The following FAM222B variants were observed in gnomAD, a reference collection of about 807,000 sequenced individuals.
The protein encoded by FAM222B is protein FAM222B.
Under a neutral mutation model 38.0 loss-of-function variants are expected in FAM222B, and 12 were observed. That is an observed-to-expected ratio of 0.32 (90% CI 0.20 to 0.51). FAM222B has a LOEUF of 0.51. Among genes scored for constraint, FAM222B ranks in the 20% least tolerant of loss-of-function variants. The probability of loss-of-function intolerance (pLI) is 0.97; values close to 1 mark genes in which losing one functional copy is unlikely to be tolerated. For synonymous variants in FAM222B, 329 were observed against 317.2 expected, an observed-to-expected ratio of 1.04 and a Z score of -0.40; for missense variants, 716 against 754.2, an observed-to-expected ratio of 0.95 and a Z score of 0.59.
At chr17:28,788,449 G>A (rs1019427914) in intron 1 of FAM222B, among the ~76,000 whole-genome samples, 5 of 151,814 alleles carry the variant, frequency 3.3e-5, no homozygotes, top group African/African-American at 1.2e-4. Context: ...ATGTTGCCCA[G>A]GCTGGTCTGG....
upstream of FAM222B, among the ~76,000 whole-genome samples, chr17:28,845,618 A>G (rs932244162): frequency 2.0e-5 from 3 of 151,600 alleles, no homozygotes; most frequent in Non-Finnish European, 4.4e-5. Flanking sequence ...TAAATAGGCC[A>G]GGCACAGTGG....
intron 1 of FAM222B, among the ~76,000 whole-genome samples, chr17:28,803,708 G>A (rs528626452): frequency 3.8e-4 from 58 of 152,070 alleles, no homozygotes; most frequent in African/African-American, 7.0e-4. Context: ...AGCCAGGTGC[G>A]GTGGCTCACG....
intron 1 of FAM222B, among the ~76,000 whole-genome samples, chr17:28,822,490 T>C (rs999403881): frequency 6.6e-6 from 1 of 151,258 alleles, no homozygotes; most frequent in Non-Finnish European, 1.5e-5. Context: ...CTGGGCGCAG[T>C]GGCATAAGCC....
chr17:28,825,427 C>T (rs1188949970), intron 1 of FAM222B, among the ~76,000 whole-genome samples: 2 of 145,610 alleles, frequency 1.4e-5, no homozygotes, highest in African/African-American at 5.1e-5. Context: ...GAGTGAGATC[C>T]CGTCTCAAAA....
chr17:28,833,952 C>A (rs749114705), intron 1 of FAM222B, among the ~76,000 whole-genome samples: 3 of 152,144 alleles, frequency 2.0e-5, no homozygotes, highest in Non-Finnish European at 4.4e-5. Flanking sequence ...AATGTAATAC[C>A]CTCTTTTACT....
intron 1 of FAM222B, among the ~76,000 whole-genome samples, chr17:28,815,624 C>G (rs2151936450): frequency 6.6e-6 from 1 of 152,140 alleles, no homozygotes; most frequent in Admixed American, 6.6e-5. Context: ...CTCAGGAGTT[C>G]AAGACCAGCC....
At chr17:28,821,468 C>G (rs771476749) in intron 1 of FAM222B, among the ~76,000 whole-genome samples, 130 of 152,266 alleles carry the variant, frequency 8.5e-4, no homozygotes, top group Non-Finnish European at 1.5e-3. Context: ...CACAACCACC[C>G]AACAAGCCAA....
intron 1 of FAM222B, among the ~76,000 whole-genome samples, chr17:28,795,512 C>T (rs1179660649): frequency 6.6e-6 from 1 of 152,188 alleles, no homozygotes; most frequent in East Asian, 1.9e-4. Flanking sequence ...ACTGCAGCCT[C>T]GACTTCCCGG....
At chr17:28,852,679 T>A (rs946803427) in intron 1 of FAM222B, among the ~76,000 whole-genome samples, 2 of 152,088 alleles carry the variant, frequency 1.3e-5, no homozygotes, top group Non-Finnish European at 2.9e-5. Context: ...AATCCTCTGT[T>A]AACCCCACAG....
chr17:28,804,312 T>C (rs1458593290), intron 1 of FAM222B, among the ~76,000 whole-genome samples: 7 of 152,114 alleles, frequency 4.6e-5, no homozygotes, highest in Non-Finnish European at 1.0e-4. Flanking sequence ...ACCCTACTGG[T>C]TGTTTCTCTG....
At chr17:28,786,608 T>A (rs1457307318) in intron 1 of FAM222B, among the ~76,000 whole-genome samples, 2 of 152,194 alleles carry the variant, frequency 1.3e-5, no homozygotes, top group Non-Finnish European at 2.9e-5. Flanking sequence ...ACACTTGTGC[T>A]GTGACATCTT....
intron 2 of FAM222B, among the ~76,000 whole-genome samples, chr17:28,764,969 T>C (rs547503871): frequency 3.3e-5 from 5 of 152,062 alleles, no homozygotes; most frequent in South Asian, 4.1e-4. Context: ...AGCCCAGAAA[T>C]AGGCACGATG....
At chr17:28,826,367 G>A (rs1598028852) in intron 1 of FAM222B, among the ~76,000 whole-genome samples, 2 of 151,242 alleles carry the variant, frequency 1.3e-5, no homozygotes, top group South Asian at 4.3e-4. Flanking sequence ...ACCCACGCCC[G>A]GCCATTAACT....
At chr17:28,769,174 C>CTTTTTTTTTTTT (rs35918064) in intron 1 of FAM222B, among the ~76,000 whole-genome samples, 1 of 82,542 alleles carries the variant, frequency 1.2e-5, no homozygotes, top group East Asian at 4.4e-4. Context: ...AATGTTAGTT[C>CTTTTTTTTTTTT]TTTTTTTTTT....
intron 1 of FAM222B, among the ~76,000 whole-genome samples, chr17:28,820,626 A>C (rs561000598): frequency 1.3e-5 from 2 of 151,748 alleles, no homozygotes; most frequent in Non-Finnish European, 2.9e-5. Flanking sequence ...AAAAAGCAAA[A>C]ATGGTAAAAC....
chr17:28,794,466 C>T (rs1397883724), intron 1 of FAM222B, among the ~76,000 whole-genome samples: 5 of 151,722 alleles, frequency 3.3e-5, no homozygotes, highest in South Asian at 4.2e-4. Context: ...ATGATCTGCC[C>T]GCCTCAGCCT....
chr17:28,757,978 A>G lies in FAM222B; in HGVS notation c.*292T>C. ...GAAACAGGAAGAGATTCAAGAAAAG[A>G]TGGGTGGGAGCTGGCTGGAAATGGC... On this transcript the variant is annotated 3_prime_UTR_variant, in exon 3 of 3. Transcript: ENST00000581407. The G allele has an allele frequency of 3.3e-6, 1 of 306,288 alleles. No individual in the cohort carries two copies. Among genetic ancestry groups the G allele is most frequent in the South Asian group, 6.7e-5 (1 of 14,866 alleles). The allele number at this position is 306,288 out of a possible 1,614,324, so 19.0% of individuals were successfully genotyped here.
intron 1 of FAM222B, among the ~76,000 whole-genome samples, chr17:28,778,364 G>GT (rs1046338405): frequency 6.6e-6 from 1 of 151,840 alleles, no homozygotes; most frequent in Non-Finnish European, 1.5e-5. Flanking sequence ...TTCTGTTCCT[G>GT]TGTTAGTTTG....
At chr17:28,789,317 C>A (rs193046552) in intron 1 of FAM222B, among the ~76,000 whole-genome samples, 6 of 151,740 alleles carry the variant, frequency 4.0e-5, no homozygotes, top group African/African-American at 1.4e-4. Context: ...TCTGTCTCAG[C>A]CTCATGAGTA....
Sources: allele counts gnomAD v4.1 joint callset (sites outside exome capture counted in the v4.1 genomes callset), GRCh38; gene constraint gnomAD v4.1.1; transcripts MANE v1.5; gene names NCBI Gene and HGNC (gene_info 2026-07-23, HGNC 2026-07-21).